WASHC4: variants seen among roughly 807,000 people sequenced by gnomAD.
WASHC4 encodes the protein WASH complex subunit 7.
WASHC4 carries 86 observed loss-of-function variants against 166.6 expected under a neutral mutation model. The observed-to-expected ratio is 0.52, with a 90% CI of 0.43 to 0.62. WASHC4 has a LOEUF of 0.62. WASHC4 is among the 20% of genes least tolerant of loss of function. The pLI, the probability that WASHC4 is intolerant of heterozygous loss-of-function variation, is 0.00. For synonymous variants in WASHC4, 446 were observed against 451.6 expected (o/e 0.99, Z 0.16); for missense variants, 1,262 against 1,382.4 (o/e 0.91, Z 1.38).
At position 105,125,995 on chromosome 12, in the gene WASHC4, C is replaced by T. The variant is rs530960768; in HGVS notation, c.787-9C>T. 6.2e-7 allele frequency: 1 copy of T among 1,610,352 alleles called. No homozygotes were observed. The highest frequency in any genetic ancestry group is 2.2e-5 in the East Asian group (1 of 44,680). Reference sequence around the variant, plus strand: ...AGTCTGAATTTCTCTTTCAATGTTTCCTGTCTAGGCCTGTATAGAACAACA... The same window carrying T: ...AGTCTGAATTTCTCTTTCAATGTTTTCTGTCTAGGCCTGTATAGAACAACA... On this transcript the variant is annotated splice_polypyrimidine_tract_variant and intron_variant, in intron 10 of 32. Transcript: ENST00000332180.
At chr12:105,126,422 A>G (rs1881287181) in intron 12 of WASHC4, 60 bp downstream of exon 12, 1 of 1,229,424 alleles carries the variant, frequency 8.1e-7, no homozygotes, top group African/African-American at 1.5e-5. Flanking sequence ...AGATAAAACT[A>G]AATATTTTAA....
intron 26 of WASHC4, among the ~76,000 whole-genome samples, chr12:105,156,030 G>C (rs1884140382): frequency 6.6e-6 from 1 of 152,170 alleles, no homozygotes; most frequent in South Asian, 2.1e-4. Context: ...GGATATCTAT[G>C]AAGGGGTGAA....
chr12:105,112,895 A>G (rs1226385862), intron 2 of WASHC4, among the ~76,000 whole-genome samples: 1 of 152,208 alleles, frequency 6.6e-6, no homozygotes, highest in Non-Finnish European at 1.5e-5. Context: ...TAAGTGACAC[A>G]TTTAGTTAAA....
intron 24 of WASHC4, chr12:105,148,947 G>A (rs997826346): frequency 1.3e-5 from 13 of 984,858 alleles, no homozygotes; most frequent in Admixed American, 1.2e-4. Context: ...CTGAGTCAAG[G>A]GCTTTTTGTT....
At chr12:105,127,006 G>A in intron 12 of WASHC4, 123 bp from the exon 13 acceptor site, 6 of 786,118 alleles carry the variant, frequency 7.6e-6, no homozygotes, top group East Asian at 2.6e-5. Context: ...ATATTAATAA[G>A]TATTTTTTGT....
chr12:105,120,685 T>C, intron 8 of WASHC4, 88 bp downstream of exon 8: 1 of 914,588 alleles, frequency 1.1e-6, no homozygotes, highest in Non-Finnish European at 1.8e-6. Flanking sequence ...ATGACAGTCA[T>C]AGGAACACTC....
intron 13 of WASHC4, among the ~76,000 whole-genome samples, chr12:105,132,787 A>T (rs74241100): frequency 3.5e-5 from 5 of 142,430 alleles, no homozygotes; most frequent in East Asian, 4.3e-4. Context: ...TGAAAGAGGT[A>T]GTGTGTGTGT....
intron 28 of WASHC4, among the ~76,000 whole-genome samples, chr12:105,158,092 TAAG>T (rs1157757067): frequency 2.0e-5 from 3 of 152,112 alleles, no homozygotes; most frequent in African/African-American, 2.4e-5. Flanking sequence ...GTCATAATGA[TAAG>T]AAGGGTTATC....
intron 22 of WASHC4, among the ~76,000 whole-genome samples, chr12:105,145,827 A>G (rs927375851): frequency 3.9e-5 from 6 of 152,074 alleles, no homozygotes; most frequent in Admixed American, 3.3e-4. Flanking sequence ...CTATTTAAAG[A>G]ATGAAGGATT....
chr12:105,126,031 C>T lies in WASHC4; in HGVS notation c.814C>T (p.Leu272Phe), dbSNP rs1157506189. 1.9e-6 allele frequency: 3 copies of T among 1,612,550 alleles called. No homozygotes were observed. The highest frequency in any genetic ancestry group is 1.7e-4 in the Middle Eastern group (1 of 6,040). Residue 272 changes from leucine (L) to phenylalanine (F), a missense_variant, in exon 11 of 33, where the codon CTC becomes TTC. Transcript: ENST00000332180. ...QACIEQQFDS[L>F]NGGVSVSKNS... ...CTGTATAGAACAACAATTTGATTCTCTCAATGGAGGAGTATCTGTGTCAAA... is the reference window on the plus strand; with the variant it reads ...CTGTATAGAACAACAATTTGATTCTTTCAATGGAGGAGTATCTGTGTCAAA...
intron 25 of WASHC4, among the ~76,000 whole-genome samples, chr12:105,151,471 G>C (rs1024687254): frequency 2.0e-5 from 3 of 152,130 alleles, no homozygotes; most frequent in Non-Finnish European, 4.4e-5. Flanking sequence ...TTTATCAGTA[G>C]AGGATTGTAT....
intron 13 of WASHC4, among the ~76,000 whole-genome samples, chr12:105,130,914 A>G (rs896080219): frequency 5.9e-5 from 9 of 152,194 alleles, no homozygotes; most frequent in African/African-American, 1.9e-4. Flanking sequence ...TTAGTGCTTT[A>G]TGTTGGGGCA....
intron 30 of WASHC4, among the ~76,000 whole-genome samples, 181 bp downstream of exon 30, chr12:105,163,026 C>T (rs978813276): frequency 6.6e-6 from 1 of 152,046 alleles, no homozygotes; most frequent in Non-Finnish European, 1.5e-5. Context: ...TGCAGTGGCA[C>T]GATCACTGCA....
rs368005594 is a variant in WASHC4, at chr12:105,166,917, C to A, written c.3508C>A (p.Pro1170Thr). 3.7e-6 allele frequency: 6 copies of A among 1,604,294 alleles called. No homozygotes were observed. Among genetic ancestry groups the A allele is most frequent in the Non-Finnish European group, 3.4e-6 (4 of 1,174,664 alleles). The change falls in exon 33 of 33, where the codon CCT becomes ACT. Residue 1170 changes from proline to threonine, a missense_variant. By Grantham distance (38) the Pro-to-Thr change is conservative (BLOSUM62 -1). Coordinates refer to ENST00000332180, the MANE Select transcript of WASHC4 (RefSeq NM_015275.3). ...GTCTGACAGCACTGTGTCTGCTGAT[C>A]CTGTTGTGAAATGATACGGATGGTA... ...DLSDSTVSADPVVK is the reference protein window; with the variant it reads ...DLSDSTVSADTVVK
chr12:105,138,251 A>T (rs566383018), intron 15 of WASHC4, among the ~76,000 whole-genome samples: 10 of 146,030 alleles, frequency 6.8e-5, no homozygotes, highest in African/African-American at 2.6e-4. Flanking sequence ...TTTACACAGT[A>T]AAAAAAAAAG....
At chr12:105,142,364 A>G in intron 18 of WASHC4, 89 bp from the exon 19 acceptor site, 2 of 784,120 alleles carry the variant, frequency 2.6e-6, no homozygotes, top group East Asian at 2.5e-5. Context: ...GTAAGATGGA[A>G]CTCTTCCTTC....
intron 29 of WASHC4, 150 bp downstream of exon 29, chr12:105,160,298 CAT>C (rs1884416805): frequency 2.8e-6 from 2 of 719,064 alleles, no homozygotes; most frequent in South Asian, 1.8e-5. Flanking sequence ...GTGAATGTGA[CAT>C]AGAATTTTTT....
chr12:105,141,047 TA>T lies in WASHC4; in HGVS notation c.1707+4del, dbSNP rs1187645338. Reference sequence around the variant, plus strand: ...GCACTAAGTGTTGGCACACAAATGGTAAGTGTATTGCTATTACTTATGGAAC... The same window carrying T: ...GCACTAAGTGTTGGCACACAAATGGTAGTGTATTGCTATTACTTATGGAAC... On this transcript the variant is annotated splice_donor_region_variant and intron_variant, in intron 17 of 32. Transcript: ENST00000332180. 3 of 1,614,114 alleles carry T rather than the reference TA, an allele frequency of 1.9e-6. No homozygotes were observed. In the Admixed American group the frequency reaches 5.0e-5, roughly 27 times the overall value.
intron 21 of WASHC4, 116 bp downstream of exon 21, chr12:105,144,571 C>T: frequency 8.5e-7 from 1 of 1,173,280 alleles, no homozygotes; most frequent in Non-Finnish European, 1.2e-6. Context: ...TCTTTAATTA[C>T]ATTTTGTTTC....
Sources: allele counts gnomAD v4.1 joint callset (sites outside exome capture counted in the v4.1 genomes callset), GRCh38; gene constraint gnomAD v4.1.1; transcripts MANE v1.5; gene names NCBI Gene and HGNC (gene_info 2026-07-23, HGNC 2026-07-21).